The following CIAO1 variants were observed in gnomAD, a reference collection of about 807,000 sequenced individuals.
The protein encoded by CIAO1 is probable cytosolic iron-sulfur protein assembly protein CIAO1.
CIAO1 carries 32 observed loss-of-function variants against 43.1 expected under a neutral mutation model. The ratio of observed to expected loss-of-function variants is 0.74; its 90% CI spans 0.56 to 1.00. The LOEUF (loss-of-function observed/expected upper bound fraction) is 1.00. Ranked by LOEUF, CIAO1 falls within the 50% of genes least tolerant of loss-of-function variation. The pLI is 0.00. For synonymous variants in CIAO1, 183 were observed against 171.4 expected (o/e 1.07, Z -0.53); for missense variants, 415 against 437.4 (o/e 0.95, Z 0.46).
At chr2:96,267,963 G>A in intron 4 of CIAO1, 39 bp downstream of exon 4, 2 of 1,527,482 alleles carry the variant, frequency 1.3e-6, no homozygotes, top group Non-Finnish European at 1.8e-6. Flanking sequence ...AAGGGCTCTG[G>A]TGTGCAGGCT....
rs1218827952 is a variant in CIAO1, at chr2:96,268,860, A to T, written c.691+202A>T. 6.8e-6 allele frequency: 4 copies of T among 589,494 alleles called. No homozygotes were observed. In the East Asian group the frequency reaches 1.1e-4, roughly 17 times the overall value. The allele number at this position is 589,494 out of a possible 1,614,324, so 36.5% of individuals were successfully genotyped here. A position where few individuals can be genotyped will look rare whatever the true frequency, so the allele number is the denominator to read the frequency against. ...ATTTAAAAGGGTATGTAGGATTTTA[A>T]CATGAGAATTTCACGTGAGAATTCA... On this transcript the variant is annotated intron_variant, in intron 5 of 6. Coordinates refer to ENST00000488633, the MANE Select transcript of CIAO1 (RefSeq NM_004804.3).
In CIAO1 at chr2:96,266,329, C is replaced by G; in HGVS notation, c.-22C>G. ...GCTCAGCGGACTCTGCCCGCCCCCA[C>G]CTCCCCCTGCGTCGGGCCGACATGA... On this transcript the variant is annotated 5_prime_UTR_variant, in exon 1 of 7. Transcript: ENST00000488633. 2.9e-6 allele frequency: 4 copies of G among 1,385,808 alleles called. No homozygotes were observed. The highest frequency in any genetic ancestry group is 3.8e-6 in the Non-Finnish European group (4 of 1,052,996). 85.8% of individuals were successfully genotyped at this position (1,385,808 alleles called of 1,614,324 possible). A position where few individuals can be genotyped will look rare whatever the true frequency, so the allele number is the denominator to read the frequency against.
At chr2:96,267,784 C>T in intron 3 of CIAO1, 48 bp downstream of exon 3, 3 of 1,611,694 alleles carry the variant, frequency 1.9e-6, no homozygotes, top group South Asian at 1.1e-5. Flanking sequence ...TGACAGCCCC[C>T]TCTGTGTCCC....
At position 96,267,308 on chromosome 2, in the gene CIAO1, G is replaced by A. The variant is rs886450243; in HGVS notation, c.140-13G>A. 7 of 1,606,398 alleles carry A rather than the reference G, an allele frequency of 4.4e-6. No individual in the cohort carries two copies. The highest frequency in any genetic ancestry group is 1.6e-4 in the Middle Eastern group (1 of 6,066). ...CACCCAGCTCCAGAGCCTGGCCTGC[G>A]CTCCGCCTTTAGGTGACAGCTGGAT... On this transcript the variant is annotated splice_polypyrimidine_tract_variant and intron_variant, in intron 1 of 6. Transcript: ENST00000488633.
intron 1 of CIAO1, 33 bp downstream of exon 1, chr2:96,266,522 G>A: frequency 1.4e-6 from 2 of 1,417,334 alleles, no homozygotes; most frequent in Non-Finnish European, 1.9e-6. Flanking sequence ...GGCCCTCAGC[G>A]CTGAGGGCTC....
At chr2:96,269,201 G>A in intron 5 of CIAO1, 67 bp from the exon 6 acceptor site, 2 of 1,388,996 alleles carry the variant, frequency 1.4e-6, no homozygotes, top group Admixed American at 1.7e-5. Context: ...GGGAAGGTAA[G>A]TTAGGTTCTC....
At position 96,267,643 on chromosome 2, in the gene CIAO1, G is replaced by A; in HGVS notation, c.307G>A (p.Gly103Ser). The A allele has an allele frequency of 6.2e-7, 1 of 1,614,078 alleles. No homozygotes were observed. The highest frequency in any genetic ancestry group is 8.5e-7 in the Non-Finnish European group (1 of 1,180,022). ...DDFECVTTLEGHENEVKSVAW... is the reference protein window; with the variant it reads ...DDFECVTTLESHENEVKSVAW... ...TTCACAGTGTGTAACCACTCTCGAG[G>A]GCCATGAAAATGAGGTCAAGTCAGT... The change falls in exon 3 of 7, where the codon GGC (glycine) becomes AGC (serine). Residue 103 changes from glycine to serine, a missense_variant. By Grantham distance (56) the Gly-to-Ser change is moderately conservative (BLOSUM62 0). Transcript: ENST00000488633.
intron 4 of CIAO1, 77 bp downstream of exon 4, chr2:96,268,001 C>A: frequency 2.5e-6 from 3 of 1,203,238 alleles, no homozygotes; most frequent in Non-Finnish European, 3.7e-6. Flanking sequence ...TGCTTTTCAG[C>A]CTTAATCTAG....
chr2:96,267,183 T>C, intron 1 of CIAO1, 138 bp from the exon 2 acceptor site: 1 of 564,220 alleles, frequency 1.8e-6, no homozygotes, highest in South Asian at 3.8e-5. Flanking sequence ...AGTAGATTCA[T>C]TTGCATCTTT....
intron 6 of CIAO1, 51 bp from the exon 7 acceptor site, chr2:96,271,058 GTC>G: frequency 6.2e-7 from 1 of 1,606,784 alleles, no homozygotes; most frequent in African/African-American, 1.3e-5. Context: ...TATGGAACAG[GTC>G]TCTCTGGCCT....
Position 96,269,347 on chromosome 2 carries a change from C to T in CIAO1, c.771C>T (p.Asp257=). 2.5e-6 allele frequency: 4 copies of T among 1,614,028 alleles called. No individual in the cohort carries two copies. Among genetic ancestry groups the T allele is most frequent in the Non-Finnish European group, 3.4e-6 (4 of 1,179,890 alleles). Residue 257 remains aspartate (D), a synonymous_variant, in exon 6 of 7, where the codon GAC becomes GAT. Transcript: ENST00000488633. ...GCTTCCACTCAAGGACCATTTATGA[C>T]ATTGCTTGGTAAGACTCCATCCCCC... The part of the protein sequence containing the change: ...LSGFHSRTIY[D]IAWCQLTGAL...
At position 96,273,893 on chromosome 2, in the gene CIAO1, T is replaced by C. The variant is rs1203296895; in HGVS notation, c.*2542T>C. Among the ~76,000 whole-genome samples, 1 of 151,542 alleles carries C rather than the reference T, an allele frequency of 6.6e-6. No homozygotes were observed. The highest frequency in any genetic ancestry group is 1.5e-5 in the Non-Finnish European group (1 of 67,968). ...ATGCCACCCTTCTCCTTGGATTGTT[T>C]TGGAAGTTATTCTTCATAAAAAATG... On this transcript the variant is annotated 3_prime_UTR_variant, in exon 7 of 7. Coordinates refer to ENST00000488633, the MANE Select transcript of CIAO1 (RefSeq NM_004804.3).
At position 96,273,053 on chromosome 2, in the gene CIAO1, C is replaced by T. The variant is rs1395847710; in HGVS notation, c.*1702C>T. 2 of 152,138 alleles carry T rather than the reference C, an allele frequency of 1.3e-5. No individual in the cohort carries two copies. The highest frequency in any genetic ancestry group is 2.9e-5 in the Non-Finnish European group (2 of 68,036). The allele number at this position is 152,138 out of a possible 1,614,324, so 9.4% of individuals were successfully genotyped here. On this transcript the variant is annotated 3_prime_UTR_variant, in exon 7 of 7. Coordinates refer to ENST00000488633, the MANE Select transcript of CIAO1 (RefSeq NM_004804.3). ...TTTTCTGGAAATTAATGGAATGAGC[C>T]TCTCACCTCAAGGGAAACAACTGAT...
chr2:96,266,618 A>G, intron 1 of CIAO1, 129 bp downstream of exon 1: 1 of 1,057,832 alleles, frequency 9.5e-7, no homozygotes, highest in East Asian at 3.2e-5. Context: ...AGCCACGCCG[A>G]GAAGGGCTTT....
rs1051334734 is a variant in CIAO1, at chr2:96,271,635, T to A, written c.*284T>A. On this transcript the variant is annotated 3_prime_UTR_variant, in exon 7 of 7. Transcript: ENST00000488633. ...TTTTTGGAGGTAAATATACTATTTA[T>A]AATCACTATATATAGTAGGAGGGGG... The A allele has an allele frequency of 2.7e-6, 1 of 373,192 alleles. No individual in the cohort carries two copies. Among genetic ancestry groups the A allele is most frequent in the Admixed American group, 4.3e-5 (1 of 23,420 alleles). The allele number at this position is 373,192 out of a possible 1,614,324, so 23.1% of individuals were successfully genotyped here.
At chr2:96,268,761 T>A (rs1558758704) in intron 5 of CIAO1, 103 bp downstream of exon 5, 1 of 1,207,004 alleles carries the variant, frequency 8.3e-7, no homozygotes, top group Non-Finnish European at 1.2e-6. Context: ...AAAGGTAAGA[T>A]GTGCTACAAG....
chr2:96,268,978 G>A (rs2104317184), intron 5 of CIAO1: 2 of 575,730 alleles, frequency 3.5e-6, no homozygotes, highest in Non-Finnish European at 6.2e-6. Flanking sequence ...TAGGACGTCT[G>A]GGGTTTGGAG....
At position 96,271,416 on chromosome 2, in the gene CIAO1, C is replaced by T; in HGVS notation, c.*65C>T. The T allele has an allele frequency of 6.4e-7, 1 of 1,565,578 alleles. No individual in the cohort carries two copies. Among genetic ancestry groups the T allele is most frequent in the Non-Finnish European group, 8.7e-7 (1 of 1,154,630 alleles). On this transcript the variant is annotated 3_prime_UTR_variant, in exon 7 of 7. Transcript: ENST00000488633. ...ACGTCATATAAGACTTTACCAGCCC[C>T]TGAGAGGACCAGGAGGAGCATCCTT...
chr2:96,270,366 G>A (rs1396393099), intron 6 of CIAO1, among the ~76,000 whole-genome samples: 12 of 152,192 alleles, frequency 7.9e-5, no homozygotes, highest in South Asian at 6.2e-4. Flanking sequence ...TTAGCTGGGC[G>A]TGTTGGCACG....
Sources: gnomAD v4.1 joint callset for allele counts (sites outside exome capture counted in the v4.1 genomes callset) on GRCh38, gnomAD v4.1.1 for gene constraint, MANE v1.5 for transcripts, NCBI Gene and HGNC (gene_info 2026-07-23, HGNC 2026-07-21) for gene names.